The following RABL3 variants were observed in gnomAD, a reference collection of about 807,000 sequenced individuals.
The protein encoded by RABL3 is RAB, member of RAS oncogene family like 3.
A neutral mutation model predicts 31.8 loss-of-function variants in RABL3; 31 were observed. The ratio of observed to expected loss-of-function variants is 0.97; its 90% CI spans 0.73 to 1.31. RABL3 has a LOEUF of 1.31. RABL3 is among the 40% of genes most tolerant of loss of function. RABL3 has a pLI of 0.00. For missense variants in RABL3, 263 were observed against 279.6 expected (o/e 0.94, Z 0.42); for synonymous variants, 97 against 99.9 (o/e 0.97, Z 0.18).
chr3:120,700,247 T>C (rs1193362450), intron 4 of RABL3, among the ~76,000 whole-genome samples: 1 of 152,116 alleles, frequency 6.6e-6, no homozygotes, highest in Non-Finnish European at 1.5e-5. Context: ...CAGCCAGGTA[T>C]CATATTATAT....
Position 120,694,198 on chromosome 3 carries a change from A to C in RABL3, c.561T>G (p.Ala187=), listed in dbSNP as rs748280330. Residue 187 remains alanine, a synonymous_variant, in exon 6 of 8, where the codon GCT becomes GCG. Coordinates refer to ENST00000273375, the MANE Select transcript of RABL3 (RefSeq NM_173825.5). ...GCTTGACAGCATTGGAAGAACCTGCAGCTAAGTACCGTGGATTTGTGCAGT... is the reference window on the plus strand; with the variant it reads ...GCTTGACAGCATTGGAAGAACCTGCCGCTAAGTACCGTGGATTTGTGCAGT... ...NLDCTNPRYL[A]AGSSNAVKLS... The C allele has an allele frequency of 1.8e-5, 29 of 1,611,558 alleles. No individual in the cohort carries two copies. The East Asian group carries it at 6.5e-4, about 36-fold the overall frequency.
chr3:120,724,681 C>CA (rs749296648), intron 2 of RABL3, among the ~76,000 whole-genome samples: 288 of 152,182 alleles, frequency 1.9e-3, no homozygotes, highest in Middle Eastern at 0.01. Context: ...ACAAATCTGA[C>CA]AAAAACAAGA....
intron 2 of RABL3, among the ~76,000 whole-genome samples, chr3:120,717,704 C>T (rs777443994): frequency 7.9e-5 from 12 of 152,090 alleles, no homozygotes; most frequent in Non-Finnish European, 1.5e-4. Flanking sequence ...CCTGACCTCA[C>T]GTGATCCACC....
intron 2 of RABL3, among the ~76,000 whole-genome samples, chr3:120,728,958 G>A (rs1375797105): frequency 2.6e-5 from 4 of 152,268 alleles, no homozygotes; most frequent in Admixed American, 6.5e-5. Context: ...TTGGTGCCTG[G>A]AGTCTTAATG....
intron 5 of RABL3, among the ~76,000 whole-genome samples, chr3:120,698,078 C>T (rs182398946): frequency 1.1e-4 from 16 of 152,272 alleles, no homozygotes; most frequent in African/African-American, 2.6e-4. Flanking sequence ...GCATGAGAAT[C>T]GCTTGAACCC....
chr3:120,727,610 A>AT (rs1708837631), intron 2 of RABL3, among the ~76,000 whole-genome samples: 1 of 152,150 alleles, frequency 6.6e-6, no homozygotes, highest in Admixed American at 6.5e-5. Flanking sequence ...AGGTTAGCAT[A>AT]AGCCTGATAG....
intron 2 of RABL3, among the ~76,000 whole-genome samples, chr3:120,723,976 G>C (rs541295228): frequency 8.6e-5 from 13 of 152,032 alleles, no homozygotes; most frequent in African/African-American, 2.4e-4. Flanking sequence ...AGGAAATAAA[G>C]GGTATTCAAT....
intron 2 of RABL3, among the ~76,000 whole-genome samples, chr3:120,723,767 C>T (rs1418317039): frequency 6.6e-6 from 1 of 152,122 alleles, no homozygotes; most frequent in Non-Finnish European, 1.5e-5. Flanking sequence ...GCTAAAAACT[C>T]TCAATAAATT....
intron 7 of RABL3, 105 bp from the exon 8 acceptor site, chr3:120,689,993 T>C (rs1009035467): frequency 1.4e-5 from 12 of 873,548 alleles, no homozygotes; most frequent in Non-Finnish European, 1.8e-5. Flanking sequence ...GCCTGCTGTT[T>C]CTTAAAAAAA....
chr3:120,733,794 A>G (rs1336021283), intron 1 of RABL3, among the ~76,000 whole-genome samples: 2 of 152,102 alleles, frequency 1.3e-5, no homozygotes, highest in Admixed American at 1.3e-4. Context: ...TTTTCCCAGC[A>G]CCACTTATTA....
At chr3:120,740,245 A>C (rs1270424657) in intron 1 of RABL3, among the ~76,000 whole-genome samples, 1 of 152,130 alleles carries the variant, frequency 6.6e-6, no homozygotes, top group Non-Finnish European at 1.5e-5. Context: ...ACAAATCACC[A>C]AATATCAACT....
rs1317249701 is a variant in RABL3 at position 120,738,801 on chromosome 3, A to G, written c.46+3661T>C. ...TAAAAATTTACTTAATCATTCTTCCATTATTATTAGATATTTAGGGTGTTT... is the reference window on the plus strand; with the variant it reads ...TAAAAATTTACTTAATCATTCTTCCGTTATTATTAGATATTTAGGGTGTTT... On this transcript the variant is annotated intron_variant, in intron 1 of 7. Transcript: ENST00000273375. 3.9e-5 allele frequency: 6 copies of G among 152,272 alleles called. No individual in the cohort carries two copies. The South Asian group carries it at 1.0e-3, about 26-fold the overall frequency. The allele number at this position is 152,272 out of a possible 1,614,324, so 9.4% of individuals were successfully genotyped here.
At chr3:120,702,425 T>C (rs1011690945) in intron 4 of RABL3, among the ~76,000 whole-genome samples, 1 of 152,120 alleles carries the variant, frequency 6.6e-6, no homozygotes, top group Non-Finnish European at 1.5e-5. Flanking sequence ...TCTGCTAATC[T>C]GACAGGAGGT....
intron 2 of RABL3, 82 bp from the exon 3 acceptor site, chr3:120,709,991 A>C (rs1299432185): frequency 6.0e-6 from 6 of 998,326 alleles, no homozygotes; most frequent in Non-Finnish European, 8.9e-6. Flanking sequence ...AAAGCATTTC[A>C]GCATCTTACT....
At chr3:120,720,814 A>G (rs970144652) in intron 2 of RABL3, among the ~76,000 whole-genome samples, 6 of 152,202 alleles carry the variant, frequency 3.9e-5, no homozygotes, top group African/African-American at 1.4e-4. Context: ...GCCAACATTC[A>G]AATTCAGGAA....
intron 2 of RABL3, among the ~76,000 whole-genome samples, chr3:120,715,518 C>A (rs911717460): frequency 3.9e-5 from 6 of 151,904 alleles, no homozygotes; most frequent in Non-Finnish European, 8.8e-5. Context: ...GCTTGGGCAA[C>A]AGAATGAGAC....
chr3:120,705,427 C>CT (rs1376149266), intron 4 of RABL3, among the ~76,000 whole-genome samples: 2 of 152,160 alleles, frequency 1.3e-5, no homozygotes, highest in Non-Finnish European at 2.9e-5. Flanking sequence ...CAGCGTAGTA[C>CT]TGGTGAAGGG....
At position 120,688,384 on chromosome 3, in the gene RABL3, G is replaced by A. The variant is rs908059316; in HGVS notation, c.*1439C>T. 6.6e-6 allele frequency: 1 copy of A among 152,590 alleles called. No homozygotes were observed. Among genetic ancestry groups the A allele is most frequent in the Non-Finnish European group, 1.5e-5 (1 of 68,038 alleles). 9.5% of individuals were successfully genotyped at this position (152,590 alleles called of 1,614,324 possible). A position where few individuals can be genotyped will look rare whatever the true frequency, so the allele number is the denominator to read the frequency against. ...TTCAAAGAGGAAGTAAAGAAAGGCTGGAGAACAGTCTAGCTGATGAAAGCT... is the reference window on the plus strand; with the variant it reads ...TTCAAAGAGGAAGTAAAGAAAGGCTAGAGAACAGTCTAGCTGATGAAAGCT... On this transcript the variant is annotated 3_prime_UTR_variant, in exon 8 of 8. Coordinates refer to ENST00000273375, the MANE Select transcript of RABL3 (RefSeq NM_173825.5).
intron 3 of RABL3, among the ~76,000 whole-genome samples, chr3:120,708,726 A>G (rs940610753): frequency 1.3e-5 from 2 of 152,038 alleles, no homozygotes; most frequent in Admixed American, 6.6e-5. Flanking sequence ...GATGGCATAT[A>G]TCAAGGTCAT....
Sources: allele counts gnomAD v4.1 joint callset (sites outside exome capture counted in the v4.1 genomes callset), GRCh38; gene constraint gnomAD v4.1.1; transcripts MANE v1.5; gene names NCBI Gene and HGNC (gene_info 2026-07-23, HGNC 2026-07-21).